Variants in LMLN observed in about 807,000 individuals in gnomAD.
The protein encoded by LMLN is leishmanolysin-like peptidase.
A neutral mutation model predicts 92.3 loss-of-function variants in LMLN; 70 were observed. The ratio of observed to expected loss-of-function variants is 0.76; its 90% CI spans 0.63 to 0.92. The LOEUF (loss-of-function observed/expected upper bound fraction) is 0.92. Among genes scored for constraint, LMLN ranks in the 40% least tolerant of loss-of-function variants. LMLN has a pLI of 0.00. For synonymous variants in LMLN, 308 were observed against 296.2 expected, an observed-to-expected ratio of 1.04 and a Z score of -0.41; for missense variants, 691 against 814.6, an observed-to-expected ratio of 0.85 and a Z score of 1.85.
At chr3:197,976,086 C>G (rs899765721) in exon 4 of LMLN, 14 of 1,607,720 alleles carry the variant, frequency 8.7e-6, no homozygotes, top group Non-Finnish European at 1.2e-5. Flanking sequence ...GGTCCGTCGA[C>G]CTGCGGGCAC....
At chr3:198,024,779 A>G in exon 14 of LMLN, 1 of 1,607,762 alleles carries the variant, frequency 6.2e-7, no homozygotes, top group Non-Finnish European at 8.5e-7. Flanking sequence ...GGGGAAGCGG[A>G]TGCTATCAGG....
chr3:197,974,396 T>C, exon 2 of LMLN: 1 of 1,594,084 alleles, frequency 6.3e-7, no homozygotes, highest in African/African-American at 1.3e-5. Context: ...AAAGTTCATC[T>C]TAAGGCAAAT....
chr3:197,993,809 CA>C (rs1306352434), intron 9 of LMLN, among the ~76,000 whole-genome samples: 1 of 152,054 alleles, frequency 6.6e-6, no homozygotes, highest in Non-Finnish European at 1.5e-5. Flanking sequence ...GCAAAAAGAA[CA>C]AAGCTGTTCA....
At chr3:197,962,825 A>G in intron 1 of LMLN, among the ~76,000 whole-genome samples, 1 of 149,670 alleles carries the variant, frequency 6.7e-6, no homozygotes, top group East Asian at 2.0e-4. Flanking sequence ...GTACCTCTGT[A>G]ATAAATATTG....
rs1721834133 is a variant in LMLN at position 197,990,477 on chromosome 3, CTT to C, written c.930-78_930-77del. On this transcript the variant is annotated intron_variant, in intron 8 of 15. Coordinates refer to ENST00000330198, the Ensembl canonical transcript of LMLN. ...AATTTCATATTGATATTTATAAAGA[CTT>C]TTTACAGTAAATGTAAATATTTTTA... is the stretch of plus-strand genomic sequence containing the variant. 8.1e-6 allele frequency: 5 copies of C among 616,436 alleles called. No individual in the cohort carries two copies. In the Admixed American group the frequency reaches 8.4e-5, roughly 10 times the overall value. 38.2% of individuals were successfully genotyped at this position (616,436 alleles called of 1,614,324 possible).
At chr3:198,018,574 T>G (rs761777021) in intron 11 of LMLN, among the ~76,000 whole-genome samples, 1 of 152,226 alleles carries the variant, frequency 6.6e-6, no homozygotes, top group African/African-American at 2.4e-5. Context: ...TCCCTAAAGA[T>G]GTATGCTGAG....
intron 8 of LMLN, among the ~76,000 whole-genome samples, chr3:197,988,481 C>CTTTTTTTT (rs67505779): frequency 9.5e-5 from 4 of 42,036 alleles, no homozygotes; most frequent in Non-Finnish European, 1.2e-4. Flanking sequence ...GGATTTACCC[C>CTTTTTTTT]TTTTTTTTTT....
chr3:197,990,638 C>T (rs374778218), exon 9 of LMLN: 4 of 1,599,302 alleles, frequency 2.5e-6, no homozygotes, highest in African/African-American at 1.3e-5. Flanking sequence ...TAAGATAGTT[C>T]GTCACACTGT....
intron 8 of LMLN, among the ~76,000 whole-genome samples, chr3:197,989,354 G>A (rs527754201): frequency 6.6e-6 from 1 of 152,228 alleles, no homozygotes; most frequent in South Asian, 2.1e-4. Context: ...TTTCATAGAG[G>A]AGAGAATTTT....
At chr3:198,020,026 A>G (rs983325260) in intron 12 of LMLN, among the ~76,000 whole-genome samples, 3 of 151,888 alleles carry the variant, frequency 2.0e-5, no homozygotes, top group Non-Finnish European at 2.9e-5. Flanking sequence ...ATGCCTGGCT[A>G]ATTTTCATAT....
chr3:197,961,517 A>T (rs1323493363), intron 1 of LMLN, among the ~76,000 whole-genome samples: 1 of 152,146 alleles, frequency 6.6e-6, no homozygotes, highest in Non-Finnish European at 1.5e-5. Flanking sequence ...TTTTCGCTGA[A>T]TTCTTTAAAA....
chr3:198,008,500 C>T (rs1722352483), intron 11 of LMLN, among the ~76,000 whole-genome samples: 1 of 152,154 alleles, frequency 6.6e-6, no homozygotes. Context: ...CTGAGGCAGG[C>T]TGATTGCTTG....
chr3:197,962,720 A>G (rs1307384114), intron 1 of LMLN, among the ~76,000 whole-genome samples: 1 of 151,488 alleles, frequency 6.6e-6, no homozygotes, highest in African/African-American at 2.4e-5. Flanking sequence ...ATTATGATTC[A>G]TCTGAAATTA....
chr3:198,011,171 G>A (rs1011640367), intron 11 of LMLN, among the ~76,000 whole-genome samples: 17 of 152,142 alleles, frequency 1.1e-4, no homozygotes, highest in African/African-American at 3.1e-4. Context: ...TGTGCACAAC[G>A]TGCAGGTTTG....
chr3:197,967,010 C>T (rs776864722), intron 1 of LMLN, among the ~76,000 whole-genome samples: 2 of 152,078 alleles, frequency 1.3e-5, no homozygotes, highest in Non-Finnish European at 2.9e-5. Flanking sequence ...TTCCCAGTCT[C>T]GTCTGGAGCC....
chr3:198,022,811 A>G (rs1173841934), intron 13 of LMLN, among the ~76,000 whole-genome samples: 1 of 152,210 alleles, frequency 6.6e-6, no homozygotes, highest in African/African-American at 2.4e-5. Flanking sequence ...GTGAGTCGAG[A>G]TCATGCCCCT....
intron 9 of LMLN, among the ~76,000 whole-genome samples, chr3:197,991,618 T>C (rs1468511798): frequency 6.6e-6 from 1 of 152,146 alleles, no homozygotes; most frequent in Non-Finnish European, 1.5e-5. Context: ...AAGGTGATCT[T>C]TACTTCAGAG....
At position 197,974,394 on chromosome 3, in the gene LMLN, T is replaced by G. The variant is rs748726878; in HGVS notation, c.237T>G (p.His79Gln). The G allele has an allele frequency of 1.8e-5, 29 of 1,592,410 alleles. No individual in the cohort carries two copies. Among genetic ancestry groups the G allele is most frequent in the Non-Finnish European group, 2.1e-5 (24 of 1,167,148 alleles). The stretch of plus-strand genomic sequence containing the variant: ...TTTTTCAGGTCATAAATAAAGTTCA[T>G]CTTAAGGCAAATCATGTGGTCAAGA... Residue 79 changes from histidine to glutamine, a missense_variant, in exon 2 of 16, where the codon CAT (histidine) becomes CAG (glutamine). Coordinates refer to ENST00000330198, the Ensembl canonical transcript of LMLN.
At chr3:197,990,183 C>T (rs867182848) in intron 8 of LMLN, among the ~76,000 whole-genome samples, 12 of 152,068 alleles carry the variant, frequency 7.9e-5, no homozygotes, top group African/African-American at 1.2e-4. Context: ...CTGCCTCAGC[C>T]GCCTGTGTAG....
Sources: gnomAD v4.1 joint callset for allele counts (sites outside exome capture counted in the v4.1 genomes callset) on GRCh38, gnomAD v4.1.1 for gene constraint, MANE v1.5 for transcripts, NCBI Gene and HGNC (gene_info 2026-07-23, HGNC 2026-07-21) for gene names.